GRIK1: variants seen among roughly 807,000 people sequenced by gnomAD.
GRIK1 encodes the protein glutamate ionotropic receptor kainate type subunit 1, also known as glutamate receptor ionotropic, kainate 1.
In GRIK1, 69 loss-of-function variants were observed where a neutral mutation model predicts 105.7. That is an observed-to-expected ratio of 0.65 (90% CI 0.54 to 0.80). The LOEUF (loss-of-function observed/expected upper bound fraction) is 0.80, where lower values mean the gene tolerates loss of function less well. Ranked by LOEUF, GRIK1 falls within the 30% of genes least tolerant of loss-of-function variation. The probability of loss-of-function intolerance (pLI) is 0.00; values close to 1 mark genes in which losing one functional copy is unlikely to be tolerated. For missense variants in GRIK1, 1,109 were observed against 1,167.3 expected, an observed-to-expected ratio of 0.95 and a Z score of 0.73; for synonymous variants, 438 against 431.3, an observed-to-expected ratio of 1.02 and a Z score of -0.19.
intron 7 of GRIK1, among the ~76,000 whole-genome samples, chr21:29,614,400 C>CTT (rs2061796593): frequency 7.6e-6 from 1 of 132,180 alleles, no homozygotes; most frequent in Admixed American, 8.1e-5. Flanking sequence ...AATAAAATCC[C>CTT]TCTTTTTTTT....
At chr21:29,553,709 C>T in intron 16 of GRIK1, 3 of 1,531,614 alleles carry the variant, frequency 2.0e-6, no homozygotes, top group Non-Finnish European at 2.6e-6. Flanking sequence ...AAAAGCCTTG[C>T]ATGCAAAAGA....
At chr21:29,779,335 A>AGTGTGTGTGTGT (rs3054347) in intron 1 of GRIK1, among the ~76,000 whole-genome samples, 1 of 149,752 alleles carries the variant, frequency 6.7e-6, no homozygotes, top group African/African-American at 2.5e-5. Context: ...TCAGTGAGTG[A>AGTGTGTGTGTGT]GTGTGTGTGT....
chr21:29,810,349 T>C (rs895769067), intron 1 of GRIK1, among the ~76,000 whole-genome samples: 1 of 151,362 alleles, frequency 6.6e-6, no homozygotes, highest in African/African-American at 2.4e-5. Flanking sequence ...CGTAACAAAC[T>C]GAAATATTTC....
chr21:29,860,980 T>A (rs1318338503), intron 1 of GRIK1, among the ~76,000 whole-genome samples: 1 of 152,082 alleles, frequency 6.6e-6, no homozygotes, highest in Non-Finnish European at 1.5e-5. Flanking sequence ...GAATATATTA[T>A]AAAATTCATT....
rs771952424 is a variant in GRIK1, at chr21:29,537,768, C to T, written c.2694+30G>A. The T allele has an allele frequency of 4.9e-6, 5 of 1,025,376 alleles. No homozygotes were observed. The South Asian group carries it at 6.3e-5, about 13-fold the overall frequency. The allele number at this position is 1,025,376 out of a possible 1,614,324, so 63.5% of individuals were successfully genotyped here. On this transcript the variant is annotated intron_variant, in intron 17 of 17. Transcript: ENST00000327783. ...ATAGGATTATCAAGGCATACGGACACTTCAGTAATGCTATAGAAAATGAAC... is the reference window on the plus strand; with the variant it reads ...ATAGGATTATCAAGGCATACGGACATTTCAGTAATGCTATAGAAAATGAAC...
chr21:29,675,746 T>C (rs1353761339), intron 3 of GRIK1, among the ~76,000 whole-genome samples: 1 of 152,112 alleles, frequency 6.6e-6, no homozygotes, highest in Non-Finnish European at 1.5e-5. Context: ...CACTTAATTT[T>C]ACAGATTATG....
At chr21:29,677,484 C>T (rs2063291906) in intron 3 of GRIK1, among the ~76,000 whole-genome samples, 1 of 152,036 alleles carries the variant, frequency 6.6e-6, no homozygotes. Context: ...CTTGCTTTGG[C>T]CGCCTGTCTA....
chr21:29,642,761 A>G, intron 7 of GRIK1, 65 bp downstream of exon 7: 1 of 1,466,872 alleles, frequency 6.8e-7, no homozygotes. Context: ...GGGGAGGACC[A>G]TACCAAATGG....
At chr21:29,636,870 T>A (rs974937909) in intron 7 of GRIK1, among the ~76,000 whole-genome samples, 3 of 152,204 alleles carry the variant, frequency 2.0e-5, no homozygotes, top group African/African-American at 7.2e-5. Flanking sequence ...AATTTGAATT[T>A]TAGCAGACAA....
chr21:29,676,934 T>C (rs1233103890), intron 3 of GRIK1, among the ~76,000 whole-genome samples: 2 of 152,176 alleles, frequency 1.3e-5, no homozygotes, highest in African/African-American at 4.8e-5. Flanking sequence ...TTAGCAAATA[T>C]ATATTTCTAT....
chr21:29,738,885 A>C (rs1480220138), intron 1 of GRIK1, among the ~76,000 whole-genome samples: 1 of 152,268 alleles, frequency 6.6e-6, no homozygotes, highest in Non-Finnish European at 1.5e-5. Context: ...ACAATAATGC[A>C]GCCTTTTGTA....
intron 9 of GRIK1, among the ~76,000 whole-genome samples, chr21:29,592,199 A>G (rs1343970726): frequency 2.6e-5 from 4 of 152,180 alleles, no homozygotes; most frequent in Non-Finnish European, 2.9e-5. Context: ...GACTCTGTTC[A>G]TATCTCTGTC....
chr21:29,712,548 T>TA (rs1209318663), intron 1 of GRIK1, among the ~76,000 whole-genome samples: 3 of 151,936 alleles, frequency 2.0e-5, no homozygotes, highest in African/African-American at 7.2e-5. Context: ...GTATTGTAAA[T>TA]AAAAAAAATC....
intron 1 of GRIK1, among the ~76,000 whole-genome samples, chr21:29,927,862 C>T (rs2071434667): frequency 6.6e-6 from 1 of 151,992 alleles, no homozygotes; most frequent in Admixed American, 6.6e-5. Flanking sequence ...CAGAGCAAGA[C>T]TCCGTCTCAA....
chr21:29,748,765 A>C (rs2065108362), intron 1 of GRIK1: 1 of 152,238 alleles, frequency 6.6e-6, no homozygotes, highest in Admixed American at 6.5e-5. Context: ...TCCTTGCTGT[A>C]AACATGAAAG....
intron 1 of GRIK1, among the ~76,000 whole-genome samples, chr21:29,810,212 G>A (rs528989815): frequency 9.7e-4 from 147 of 151,898 alleles, no homozygotes; most frequent in African/African-American, 3.3e-3. Flanking sequence ...CAGGAGAATC[G>A]CTGGAACTCA....
In GRIK1 at chr21:29,867,878, G is replaced by GAGAA. The variant is rs1569174265; in HGVS notation, c.118+71504_118+71505insTTCT. ...AGAGAAAGAGAGAGAAAGAGAGAAAGAGAGAGAAAGAGAGAGAGAGAGAGA... is the reference window on the plus strand; with the variant it reads ...AGAGAAAGAGAGAGAAAGAGAGAAAGAGAAAGAGAGAAAGAGAGAGAGAGAGAGA... On this transcript the variant is annotated intron_variant, in intron 1 of 17. Transcript: ENST00000327783. 3.8e-4 allele frequency among the ~76,000 whole-genome samples: 6 copies of GAGAA among 15,926 alleles called. No homozygotes were observed. In the South Asian group the frequency reaches 6.8e-3, roughly 18 times the overall value. The allele number at this position is 15,926 out of a possible 152,430, so 10.4% of individuals were successfully genotyped here. A position where few individuals can be genotyped will look rare whatever the true frequency, so the allele number is the denominator to read the frequency against.
At chr21:29,703,163 T>C (rs879932222) in intron 1 of GRIK1, among the ~76,000 whole-genome samples, 1 of 152,238 alleles carries the variant, frequency 6.6e-6, no homozygotes, top group Non-Finnish European at 1.5e-5. Flanking sequence ...TTTCCTATTC[T>C]GAATGTGACA....
At chr21:29,757,196 C>A (rs1417065521) in intron 1 of GRIK1, among the ~76,000 whole-genome samples, 3 of 151,784 alleles carry the variant, frequency 2.0e-5, no homozygotes, top group Admixed American at 6.6e-5. Flanking sequence ...TATTTCCCAA[C>A]CAGGGACTGT....
Sources: allele counts gnomAD v4.1 joint callset (sites outside exome capture counted in the v4.1 genomes callset), GRCh38; gene constraint gnomAD v4.1.1; transcripts MANE v1.5; gene names NCBI Gene and HGNC (gene_info 2026-07-23, HGNC 2026-07-21).